Variants in CCDC6 observed in about 807,000 individuals in gnomAD.
CCDC6 encodes the protein coiled-coil domain-containing protein 6.
A neutral mutation model predicts 56.6 loss-of-function variants in CCDC6; 20 were observed. The ratio of observed to expected loss-of-function variants is 0.35; its 90% CI spans 0.25 to 0.51. The LOEUF (loss-of-function observed/expected upper bound fraction) is 0.51, where lower values mean the gene tolerates loss of function less well. Ranked by LOEUF, CCDC6 falls within the 20% of genes least tolerant of loss-of-function variation. The probability of loss-of-function intolerance (pLI) is 0.95; values close to 1 mark genes in which losing one functional copy is unlikely to be tolerated. For missense variants in CCDC6, 367 were observed against 601.1 expected (o/e 0.61, Z 4.07); for synonymous variants, 241 against 234.4 (o/e 1.03, Z -0.26).
chr10:59,798,559 T>G (rs2070543892), intron 7 of CCDC6, among the ~76,000 whole-genome samples: 1 of 152,230 alleles, frequency 6.6e-6, no homozygotes, highest in Non-Finnish European at 1.5e-5. Context: ...TAAGTGGTTT[T>G]TTAATGTGAT....
chr10:59,806,106 G>A (rs79954206), intron 6 of CCDC6, among the ~76,000 whole-genome samples: 3,417 of 152,268 alleles, frequency 0.022, 75 homozygotes, highest in Non-Finnish European at 0.033. Flanking sequence ...CCAGGGCATC[G>A]CTGATCCAGA....
chr10:59,875,786 T>A (rs536777941), intron 1 of CCDC6, among the ~76,000 whole-genome samples: 1 of 152,318 alleles, frequency 6.6e-6, no homozygotes, highest in African/African-American at 2.4e-5. Context: ...GACCTCTGTA[T>A]GCAATTTGAT....
At chr10:59,896,082 C>T (rs1053736845) in intron 1 of CCDC6, among the ~76,000 whole-genome samples, 12 of 152,182 alleles carry the variant, frequency 7.9e-5, no homozygotes, top group African/African-American at 2.7e-4. Flanking sequence ...CAATGAAAAA[C>T]GTTCCTGGAC....
At chr10:59,902,308 A>G (rs906371515) in intron 1 of CCDC6, among the ~76,000 whole-genome samples, 6 of 152,284 alleles carry the variant, frequency 3.9e-5, no homozygotes, top group African/African-American at 1.4e-4. Flanking sequence ...AGGGCATAAC[A>G]GAGATATTAC....
rs1013286687 is a variant in CCDC6 at position 59,791,088 on chromosome 10, C to G, written c.*1829G>C. The G allele has an allele frequency of 2.9e-5, 6 of 208,366 alleles. No individual in the cohort carries two copies. The highest frequency in any genetic ancestry group is 4.9e-5 in the Non-Finnish European group (5 of 102,324). 12.9% of individuals were successfully genotyped at this position (208,366 alleles called of 1,614,324 possible). ...GGTGAGTGAACTGTTGGTGAAAATT[C>G]CGGGTTTGACATGGCCCAGTCTGAT... On this transcript the variant is annotated 3_prime_UTR_variant, in exon 9 of 9. Transcript: ENST00000263102.
At chr10:59,851,548 C>T (rs2071039394) in intron 2 of CCDC6, among the ~76,000 whole-genome samples, 1 of 152,138 alleles carries the variant, frequency 6.6e-6, no homozygotes, top group African/African-American at 2.4e-5. Flanking sequence ...ATGTTATGGT[C>T]TTAACATTAA....
intron 5 of CCDC6, among the ~76,000 whole-genome samples, chr10:59,812,328 T>A (rs1301534973): frequency 2.0e-5 from 3 of 152,206 alleles, no homozygotes; most frequent in Non-Finnish European, 2.9e-5. Context: ...GCAATATTTT[T>A]GTTAGCACAA....
At chr10:59,814,577 C>T (rs997926266) in intron 4 of CCDC6, 75 bp downstream of exon 4, 5 of 876,462 alleles carry the variant, frequency 5.7e-6, no homozygotes, top group Admixed American at 1.9e-5. Context: ...TACTGCTATT[C>T]CTCAGTCACA....
At chr10:59,826,900 T>G (rs982239679) in intron 3 of CCDC6, among the ~76,000 whole-genome samples, 2 of 152,158 alleles carry the variant, frequency 1.3e-5, no homozygotes, top group Admixed American at 6.5e-5. Flanking sequence ...AGCTACAATT[T>G]TTGGAGAGCT....
In CCDC6 at chr10:59,873,396, C is replaced by A. The variant is rs540218602; in HGVS notation, c.304-20694G>T. ...GACTTCAGAGGCAGGAACTGAAGTG[C>A]TGCAGCTGCAAGCCAAGGAACGCCT... On this transcript the variant is annotated intron_variant, in intron 1 of 8. Transcript: ENST00000263102. Among the ~76,000 whole-genome samples the A allele has an allele frequency of 3.4e-4, 52 of 152,142 alleles. 1 individual carries two copies. The highest frequency in any genetic ancestry group is 6.6e-4 in the Non-Finnish European group (45 of 68,004).
chr10:59,880,040 T>C (rs1664263), intron 1 of CCDC6, among the ~76,000 whole-genome samples: 115,647 of 152,086 alleles, frequency 0.76, 44,223 homozygotes, highest in East Asian at 0.9. Flanking sequence ...AGAAGCATGC[T>C]ACATCTATAA....
At chr10:59,806,590 T>C (rs1324828568) in intron 6 of CCDC6, 7 of 230,344 alleles carry the variant, frequency 3.0e-5, no homozygotes, top group Non-Finnish European at 5.2e-5. Flanking sequence ...GGAATTAATA[T>C]GTTCCCATGC....
chr10:59,905,815 C>G (rs2071539799), intron 1 of CCDC6, among the ~76,000 whole-genome samples: 1 of 152,190 alleles, frequency 6.6e-6, no homozygotes, highest in Non-Finnish European at 1.5e-5. Context: ...CCAGCCACGC[C>G]GCCAGCCTCC....
Position 59,812,758 on chromosome 10 carries a change from G to A in CCDC6, c.724C>T (p.Pro242Ser). ...ATGGAGATATCTCTAGGCGATGGTG[G>A]AGCAGAGACGGGCTGGTCTAATTTT... ...QEKLDQPVSA[P>S]PSPRDISMEI... Residue 242 changes from proline (P) to serine (S), a missense_variant, in exon 5 of 9, where the codon CCA (proline) becomes TCA (serine). Pro to Ser is a moderately conservative substitution (Grantham distance 74). Around this residue, in one of 7 missense-constraint regions of CCDC6, gnomAD observed 81 missense variants for 150.8 expected, o/e 0.54. Transcript: ENST00000263102. 1 of 1,611,138 alleles carries A rather than the reference G, an allele frequency of 6.2e-7. No homozygotes were observed. Among genetic ancestry groups the A allele is most frequent in the South Asian group, 1.1e-5 (1 of 90,588 alleles).
intron 7 of CCDC6, among the ~76,000 whole-genome samples, chr10:59,800,688 C>T (rs2070567519): frequency 6.7e-6 from 1 of 149,856 alleles, no homozygotes. Flanking sequence ...AAATCATGTA[C>T]TATTGATTTT....
chr10:59,817,407 T>C (rs527330424), intron 3 of CCDC6, among the ~76,000 whole-genome samples: 8 of 152,306 alleles, frequency 5.3e-5, no homozygotes, highest in African/African-American at 1.7e-4. Context: ...CTTGAATTCC[T>C]GGCCTCAAGC....
Position 59,791,695 on chromosome 10 carries a change from T to G in CCDC6, c.*1222A>C, listed in dbSNP as rs2132617815. The G allele has an allele frequency of 4.7e-6, 1 of 211,814 alleles. No individual in the cohort carries two copies. The highest frequency in any genetic ancestry group is 7.1e-5 in the East Asian group (1 of 14,018). 13.1% of individuals were successfully genotyped at this position (211,814 alleles called of 1,614,324 possible). On this transcript the variant is annotated 3_prime_UTR_variant, in exon 9 of 9. Transcript: ENST00000263102. ...TACTACCAAAGTACAAAACAGCAAC[T>G]GCTGAAAAACAAAAATTAAGATGTT...
At chr10:59,831,513 C>G (rs762009616) in intron 3 of CCDC6, among the ~76,000 whole-genome samples, 1 of 152,162 alleles carries the variant, frequency 6.6e-6, no homozygotes, top group African/African-American at 2.4e-5. Context: ...GTAAGGTGCA[C>G]AGGGAGAAGC....
Position 59,906,247 on chromosome 10 carries a change from T to C in CCDC6, c.178A>G (p.Thr60Ala). ...TGCTGCAGCGAGGCCAGGCGGTTGG[T>C]GAGCTCCTCCAGGCGGAACGGCGAG... ...VISPFRLEEL[T>A]NRLASLQQEN... The change falls in exon 1 of 9, where the codon ACC becomes GCC. Residue 60 changes from threonine to alanine, a missense_variant. Around this residue, in one of 7 missense-constraint regions of CCDC6, gnomAD observed 41 missense variants for 90.8 expected, o/e 0.45. Transcript: ENST00000263102. The C allele has an allele frequency of 6.2e-7, 1 of 1,613,338 alleles. No individual in the cohort carries two copies. The highest frequency in any genetic ancestry group is 1.1e-5 in the South Asian group (1 of 91,066).
Sources: gnomAD v4.1 joint callset for allele counts (sites outside exome capture counted in the v4.1 genomes callset) on GRCh38, gnomAD v4.1.1 for gene constraint, gnomAD v4.1.1 regional missense constraint, MANE v1.5 for transcripts, NCBI Gene and HGNC (gene_info 2026-07-23, HGNC 2026-07-21) for gene names.